The following UBQLN1 variants were observed in gnomAD, a reference collection of about 807,000 sequenced individuals.
UBQLN1 encodes ubiquilin-1.
A neutral mutation model predicts 65.4 loss-of-function variants in UBQLN1; 13 were observed. The observed-to-expected ratio is 0.20, with a 90% confidence interval of 0.13 to 0.32. The LOEUF (loss-of-function observed/expected upper bound fraction) is 0.32, where lower values mean the gene tolerates loss of function less well. UBQLN1 is among the 10% of genes least tolerant of loss of function. The pLI, the probability that UBQLN1 is intolerant of heterozygous loss-of-function variation, is 1.00. For synonymous variants in UBQLN1, 267 were observed against 247.8 expected, an observed-to-expected ratio of 1.08 and a Z score of -0.73; for missense variants, 561 against 724.0, an observed-to-expected ratio of 0.77 and a Z score of 2.58.
At chr9:83,682,918 C>G (rs2131165042) in intron 3 of UBQLN1, 33 bp downstream of exon 3, 1 of 1,276,248 alleles carries the variant, frequency 7.8e-7, no homozygotes. Context: ...AGTATTTTTT[C>G]CCATCCCTAC....
chr9:83,667,422 G>T, intron 7 of UBQLN1: 1 of 844,904 alleles, frequency 1.2e-6, no homozygotes, highest in African/African-American at 1.8e-5. Context: ...CAATGTAAAT[G>T]CTGGTAGAGA....
At chr9:83,683,142 G>A in intron 2 of UBQLN1, 76 bp from the exon 3 acceptor site, 3 of 1,032,502 alleles carry the variant, frequency 2.9e-6, no homozygotes, top group Non-Finnish European at 4.4e-6. Flanking sequence ...GCCAGGCACA[G>A]TGGCTCACGC....
At chr9:83,668,710 A>G (rs1291263026) in intron 7 of UBQLN1, 1 of 865,666 alleles carries the variant, frequency 1.2e-6, no homozygotes, top group Non-Finnish European at 1.4e-6. Flanking sequence ...CAATAGTTGA[A>G]AGAAGGAGAA....
intron 1 of UBQLN1, among the ~76,000 whole-genome samples, chr9:83,706,414 G>A (rs1832407854): frequency 1.3e-5 from 2 of 152,166 alleles, no homozygotes; most frequent in South Asian, 4.1e-4. Flanking sequence ...AATTCTGTTG[G>A]TGGTAAAAGT....
At chr9:83,682,498 C>A (rs1484090618) in intron 3 of UBQLN1, among the ~76,000 whole-genome samples, 1 of 151,972 alleles carries the variant, frequency 6.6e-6, no homozygotes, top group African/African-American at 2.4e-5. Context: ...AACAAACAAA[C>A]AAACAAACAA....
chr9:83,687,809 T>C (rs78178276), intron 1 of UBQLN1, among the ~76,000 whole-genome samples: 5,836 of 152,282 alleles, frequency 0.038, 327 homozygotes, highest in African/African-American at 0.13. Context: ...TTTACCTTTG[T>C]CAACTCCCAT....
chr9:83,679,873 T>C lies in UBQLN1; in HGVS notation c.613A>G (p.Met205Val). The C allele has an allele frequency of 6.2e-7, 1 of 1,614,180 alleles. No individual in the cohort carries two copies. The change falls in exon 4 of 11, where the codon ATG (methionine) becomes GTG (valine). Residue 205 changes from methionine to valine, a missense_variant. Coordinates refer to ENST00000376395, the MANE Select transcript of UBQLN1 (RefSeq NM_013438.5). ...GGATTGGCCATAATTAACTGTCTCA[T>C]CAGGTCAGGATTTGAGAGCATGCTC... ...VQSMLSNPDLMRQLIMANPQM... is the reference protein window; with the variant it reads ...VQSMLSNPDLVRQLIMANPQM...
intron 10 of UBQLN1, among the ~76,000 whole-genome samples, chr9:83,662,877 C>A (rs1831583049): frequency 1.3e-5 from 2 of 152,114 alleles, no homozygotes; most frequent in African/African-American, 4.8e-5. Context: ...GAGTTTGAGA[C>A]CAACCTGGGC....
intron 6 of UBQLN1, among the ~76,000 whole-genome samples, chr9:83,675,234 G>C (rs533773755): frequency 6.6e-6 from 1 of 152,226 alleles, no homozygotes; most frequent in Middle Eastern, 3.4e-3. Flanking sequence ...TCATGCCAAA[G>C]ATTAAAATTT....
At chr9:83,678,212 G>T (rs1008747692) in intron 5 of UBQLN1, among the ~76,000 whole-genome samples, 2 of 151,908 alleles carry the variant, frequency 1.3e-5, no homozygotes, top group Non-Finnish European at 2.9e-5. Flanking sequence ...TAGTAGAGAC[G>T]GGATTTCACC....
chr9:83,672,830 A>G (rs1025097480), intron 6 of UBQLN1, among the ~76,000 whole-genome samples: 20 of 152,384 alleles, frequency 1.3e-4, no homozygotes, highest in African/African-American at 4.8e-4. Context: ...TGTGAAGCAC[A>G]ACAAAATGAG....
chr9:83,664,837 T>C (rs774097549), intron 9 of UBQLN1, among the ~76,000 whole-genome samples, 193 bp downstream of exon 9: 1 of 148,466 alleles, frequency 6.7e-6, no homozygotes, highest in Non-Finnish European at 1.5e-5. Flanking sequence ...GAGAATCCCT[T>C]GAGCCCGAGA....
chr9:83,670,099 G>A (rs377175038), intron 6 of UBQLN1, among the ~76,000 whole-genome samples: 4 of 152,078 alleles, frequency 2.6e-5, no homozygotes, highest in African/African-American at 9.6e-5. Context: ...CATATGTGAT[G>A]ACAACTGTAT....
chr9:83,689,847 A>T (rs1182587787), intron 1 of UBQLN1, among the ~76,000 whole-genome samples: 1 of 152,250 alleles, frequency 6.6e-6, no homozygotes, highest in Non-Finnish European at 1.5e-5. Flanking sequence ...AACCCAATTG[A>T]AAAATGGCCA....
At chr9:83,685,205 T>C (rs549002505) in intron 2 of UBQLN1, among the ~76,000 whole-genome samples, 5 of 152,280 alleles carry the variant, frequency 3.3e-5, no homozygotes, top group South Asian at 2.1e-4. Context: ...AACAACAGCA[T>C]AAAAACTTAC....
chr9:83,675,758 G>A (rs771812720), intron 6 of UBQLN1, among the ~76,000 whole-genome samples: 5 of 152,140 alleles, frequency 3.3e-5, no homozygotes, highest in African/African-American at 2.4e-5. Context: ...GAATGAGTAC[G>A]TATTTTGAAT....
Position 83,707,727 on chromosome 9 carries a change from A to G in UBQLN1, c.-48T>C. The G allele has an allele frequency of 6.6e-7, 1 of 1,507,352 alleles. No individual in the cohort carries two copies. The highest frequency in any genetic ancestry group is 1.2e-5 in the South Asian group (1 of 81,416). The allele number at this position is 1,507,352 out of a possible 1,614,324, so 93.4% of individuals were successfully genotyped here. ...GTGACTCAGGCAAGCAGGAGGGAGC[A>G]GGCGAGCAAGGAGGAGCCAGCAGAC... On this transcript the variant is annotated 5_prime_UTR_variant, in exon 1 of 11. Transcript: ENST00000376395.
At chr9:83,671,522 C>T (rs147786783) in intron 6 of UBQLN1, among the ~76,000 whole-genome samples, 820 of 152,242 alleles carry the variant, frequency 5.4e-3, no homozygotes, top group Middle Eastern at 0.02. Flanking sequence ...TTGCACATCT[C>T]CATCAAAGCT....
chr9:83,677,130 G>A (rs1831846978), intron 6 of UBQLN1, among the ~76,000 whole-genome samples: 1 of 152,150 alleles, frequency 6.6e-6, no homozygotes. Flanking sequence ...CTCAAGACGG[G>A]TGCTTGACAA....
Sources: gnomAD v4.1 joint callset for allele counts (sites outside exome capture counted in the v4.1 genomes callset) on GRCh38, gnomAD v4.1.1 for gene constraint, MANE v1.5 for transcripts, NCBI Gene and HGNC (gene_info 2026-07-23, HGNC 2026-07-21) for gene names.